The following ANKAR variants were observed in gnomAD, a reference collection of about 807,000 sequenced individuals.
ANKAR encodes ankyrin and armadillo repeat containing.
A neutral mutation model predicts 146.2 loss-of-function variants in ANKAR; 136 were observed. That is an observed-to-expected ratio of 0.93 (90% CI 0.81 to 1.07). ANKAR has a LOEUF of 1.07. Ranked by LOEUF, ANKAR falls within the 50% of genes least tolerant of loss-of-function variation. The pLI, the probability that ANKAR is intolerant of heterozygous loss-of-function variation, is 0.00. For missense variants in ANKAR, 1,567 were observed against 1,679.9 expected (o/e 0.93, Z 1.18); for synonymous variants, 500 against 575.8 (o/e 0.87, Z 1.88).
chr2:189,711,457 T>C (rs1574536986), intron 10 of ANKAR, among the ~76,000 whole-genome samples: 1 of 152,354 alleles, frequency 6.6e-6, no homozygotes, highest in East Asian at 1.9e-4. Context: ...CTTACTTTCA[T>C]TTAGAAATTA....
In ANKAR at chr2:189,707,112, T is replaced by C. The variant is rs2039045302; in HGVS notation, c.2085T>C (p.Asn695=). ...TEVLKYIIKL[N]IPELPVWKTL... is the part of the protein sequence containing the mutation. Reference sequence around the variant, plus strand: ...TTCTCAAATATATAATAAAATTAAATATTCCTGAACTCCCAGTGTGGAAAA... The same window carrying C: ...TTCTCAAATATATAATAAAATTAAACATTCCTGAACTCCCAGTGTGGAAAA... Residue 695 remains asparagine (N), a synonymous_variant, in exon 9 of 23, where the codon AAT becomes AAC. Coordinates refer to ENST00000684021, the MANE Select transcript of ANKAR (RefSeq NM_001378068.1). 6.4e-7 allele frequency: 1 copy of C among 1,567,544 alleles called. No individual in the cohort carries two copies. The highest frequency in any genetic ancestry group is 1.2e-5 in the South Asian group (1 of 84,274).
At chr2:189,719,948 G>C in intron 11 of ANKAR, 135 bp downstream of exon 11, 1 of 1,018,524 alleles carries the variant, frequency 9.8e-7, no homozygotes, top group South Asian at 2.2e-5. Flanking sequence ...AGGGAGAGAG[G>C]GTGCCTGATG....
At chr2:189,752,595 T>A (rs2045445226) in intron 18 of ANKAR, 7 of 1,564,708 alleles carry the variant, frequency 4.5e-6, no homozygotes, top group Non-Finnish European at 6.1e-6. Context: ...AAAGGCAAAA[T>A]CCAGGCTTTG....
At chr2:189,677,569 T>G (rs2033921715) in intron 2 of ANKAR, among the ~76,000 whole-genome samples, 1 of 152,208 alleles carries the variant, frequency 6.6e-6, no homozygotes, top group Non-Finnish European at 1.5e-5. Flanking sequence ...GTTACTTCAC[T>G]TAGAATAATG....
At chr2:189,719,841 T>C in intron 11 of ANKAR, 28 bp downstream of exon 11, 1 of 1,525,184 alleles carries the variant, frequency 6.6e-7, no homozygotes, top group East Asian at 2.3e-5. Flanking sequence ...ACAATTATTT[T>C]TGACTGACAA....
intron 2 of ANKAR, among the ~76,000 whole-genome samples, chr2:189,684,207 G>A (rs1188580926): frequency 6.6e-6 from 1 of 152,042 alleles, no homozygotes; most frequent in African/African-American, 2.4e-5. Flanking sequence ...TGTGAGTTGG[G>A]TTGTTTTTTT....
rs775763584 is a variant in ANKAR, at chr2:189,676,519, C to T, written c.29C>T (p.Pro10Leu). The T allele has an allele frequency of 2.6e-6, 4 of 1,566,842 alleles. No individual in the cohort carries two copies. Among genetic ancestry groups the T allele is most frequent in the Non-Finnish European group, 3.4e-6 (4 of 1,160,448 alleles). Residue 10 changes from proline to leucine, a missense_variant, in exon 2 of 23, where the codon CCT becomes CTT. Coordinates refer to ENST00000684021, the MANE Select transcript of ANKAR (RefSeq NM_001378068.1). MLRLPKKGL[P>L]RFEQVQDEDT... The stretch of plus-strand genomic sequence containing the variant: ...TTAAGATTGCCCAAAAAAGGATTAC[C>T]TAGATTTGAGCAAGTTCAGGATGAA...
chr2:189,719,771 T>G lies in ANKAR; in HGVS notation c.2424T>G (p.Tyr808Ter), dbSNP rs1313777358. The G allele has an allele frequency of 8.7e-6, 14 of 1,609,618 alleles. No homozygotes were observed. The highest frequency in any genetic ancestry group is 1.2e-5 in the Non-Finnish European group (14 of 1,176,542). ...EVHSRCAVIL[Y>*]DIAQCENKDV... ...ACTCTCGCTGTGCTGTCATTCTATA[T>G]GATATTGCTCAATGTGAAAACAAGG... Residue 808 changes from tyrosine to a stop codon, truncating the protein, a stop_gained, in exon 11 of 23, where the codon TAT becomes TAG. Transcript: ENST00000684021. LOFTEE classifies it high-confidence loss of function.
intron 18 of ANKAR, chr2:189,752,528 A>G: frequency 2.3e-6 from 2 of 882,156 alleles, no homozygotes; most frequent in Non-Finnish European, 3.5e-6. Context: ...TTCATGAAAG[A>G]AATTTATGTA....
chr2:189,727,830 T>C, intron 12 of ANKAR, 26 bp from the exon 13 acceptor site: 1 of 1,607,686 alleles, frequency 6.2e-7, no homozygotes, highest in Non-Finnish European at 8.5e-7. Context: ...AAGGTTTATT[T>C]AACTTGTTCT....
At chr2:189,751,444 G>GTTTTTT (rs779920289), downstream of ANKAR, among the ~76,000 whole-genome samples, 6 of 126,146 alleles carry the variant, frequency 4.8e-5, no homozygotes, top group East Asian at 2.3e-4. Context: ...GACAAGTTGT[G>GTTTTTT]TTTTTTTTTT....
At chr2:189,752,563 T>C (rs1277555105) in intron 18 of ANKAR, 3 of 1,209,816 alleles carry the variant, frequency 2.5e-6, no homozygotes, top group Non-Finnish European at 3.6e-6. Flanking sequence ...ACCACCAGAA[T>C]GTCAATGAAA....
chr2:189,733,170 C>G lies in ANKAR; in HGVS notation c.3364C>G (p.His1122Asp), dbSNP rs761649640. Reference protein sequence around the residue: ...LGNDVLQKDLHENEGFEYADV... With the variant: ...LGNDVLQKDLDENEGFEYADV... Reference sequence around the variant, plus strand: ...GAATGATGTGTTACAGAAAGACTTACATGAAAATGAAGGATTTGAATATGC... The same window carrying G: ...GAATGATGTGTTACAGAAAGACTTAGATGAAAATGAAGGATTTGAATATGC... Residue 1122 changes from histidine (H) to aspartate (D), a missense_variant, in exon 17 of 23, where the codon CAT becomes GAT. Transcript: ENST00000684021. 1 of 1,612,396 alleles carries G rather than the reference C, an allele frequency of 6.2e-7. No individual in the cohort carries two copies. The highest frequency in any genetic ancestry group is 8.5e-7 in the Non-Finnish European group (1 of 1,178,998).
downstream of ANKAR, chr2:189,763,011 C>T: frequency 1.0e-6 from 1 of 985,360 alleles, no homozygotes. Flanking sequence ...GACTACACAA[C>T]ATCAAGTTCC....
chr2:189,706,332 G>A (rs928951428), intron 8 of ANKAR, among the ~76,000 whole-genome samples: 1 of 151,940 alleles, frequency 6.6e-6, no homozygotes, highest in African/African-American at 2.4e-5. Context: ...CCTGCAATGA[G>A]CTGAGGTCAC....
At chr2:189,726,118 A>C (rs899535872) in intron 12 of ANKAR, among the ~76,000 whole-genome samples, 1 of 152,174 alleles carries the variant, frequency 6.6e-6, no homozygotes, top group Non-Finnish European at 1.5e-5. Flanking sequence ...AGATTGGTTC[A>C]GGCAAAAATT....
Position 189,719,955 on chromosome 2 carries a change from G to A in ANKAR, c.2466+142G>A, listed in dbSNP as rs2041036860. The A allele has an allele frequency of 3.1e-6, 3 of 957,774 alleles. No individual in the cohort carries two copies. In the African/African-American group the frequency reaches 4.9e-5, roughly 16 times the overall value. The allele number at this position is 957,774 out of a possible 1,614,324, so 59.3% of individuals were successfully genotyped here. A position where few individuals can be genotyped will look rare whatever the true frequency, so the allele number is the denominator to read the frequency against. On this transcript the variant is annotated intron_variant, in intron 11 of 22. Coordinates refer to ENST00000684021, the MANE Select transcript of ANKAR (RefSeq NM_001378068.1). ...CAGGGAAAAGGGAGAGAGGGTGCCT[G>A]ATGAAAACTCCACCGAAAAGTTGGC...
chr2:189,736,497 G>A (rs2042845456), intron 17 of ANKAR, among the ~76,000 whole-genome samples: 1 of 7,080 alleles, frequency 1.4e-4, no homozygotes, highest in Non-Finnish European at 1.3e-3. Flanking sequence ...TTAGGTGACT[G>A]GGTTTTGTGT....
chr2:189,720,647 T>G lies in ANKAR; in HGVS notation c.2495T>G (p.Leu832Trp), dbSNP rs755553182. 2.9e-6 allele frequency: 4 copies of G among 1,375,036 alleles called. No homozygotes were observed. In the Admixed American group the frequency reaches 8.7e-5, roughly 30 times the overall value. 85.2% of individuals were successfully genotyped at this position (1,375,036 alleles called of 1,614,324 possible). A position where few individuals can be genotyped will look rare whatever the true frequency, so the allele number is the denominator to read the frequency against. The change falls in exon 12 of 23, where the codon TTG (leucine) becomes TGG (tryptophan). Residue 832 changes from leucine to tryptophan, a missense_variant. Physicochemically the swap from Leu to Trp is moderately conservative, Grantham distance 61 (BLOSUM62 -2). Coordinates refer to ENST00000684021, the MANE Select transcript of ANKAR (RefSeq NM_001378068.1). ...YNGIPSLINL[L>W]NLNIENVLVN... ...GGAATCCCAAGCCTGATAAATCTATTGAACTTAAACATAGAAAATGTGCTA... is the reference window on the plus strand; with the variant it reads ...GGAATCCCAAGCCTGATAAATCTATGGAACTTAAACATAGAAAATGTGCTA...
Sources: allele counts gnomAD v4.1 joint callset (sites outside exome capture counted in the v4.1 genomes callset), GRCh38; gene constraint gnomAD v4.1.1; transcripts MANE v1.5; gene names NCBI Gene and HGNC (gene_info 2026-07-23, HGNC 2026-07-21).